The following AFF3 variants were observed in gnomAD, a reference collection of about 807,000 sequenced individuals.
The protein encoded by AFF3 is AF4/FMR2 family member 3.
Under a neutral mutation model 129.7 loss-of-function variants are expected in AFF3, and 32 were observed. The observed-to-expected ratio is 0.25, with a 90% CI of 0.19 to 0.33. The LOEUF is 0.33. Among genes scored for constraint, AFF3 ranks in the 10% least tolerant of loss-of-function variants. The pLI is 1.00. For synonymous variants in AFF3, 644 were observed against 635.4 expected, an observed-to-expected ratio of 1.01 and a Z score of -0.20; for missense variants, 1,373 against 1,592.0, an observed-to-expected ratio of 0.86 and a Z score of 2.34.
At chr2:99,639,600 A>C (rs1683992994) in intron 13 of AFF3, among the ~76,000 whole-genome samples, 1 of 152,242 alleles carries the variant, frequency 6.6e-6, no homozygotes, top group African/African-American at 2.4e-5. Context: ...CTTTGAAATT[A>C]TAAAATGAGA....
At chr2:100,138,402 T>C (rs1692715585) in intron 1 of AFF3, among the ~76,000 whole-genome samples, 1 of 152,224 alleles carries the variant, frequency 6.6e-6, no homozygotes, top group Non-Finnish European at 1.5e-5. Flanking sequence ...TCCATTCCTG[T>C]GGTTCTTAAC....
intron 7 of AFF3, among the ~76,000 whole-genome samples, chr2:99,920,832 GAT>G (rs757222410): frequency 6.6e-6 from 1 of 151,858 alleles, no homozygotes; most frequent in Non-Finnish European, 1.5e-5. Context: ...TGAATTTAGC[GAT>G]GTTTCAGAAT....
At chr2:99,628,868 G>A (rs62154522) in intron 13 of AFF3, among the ~76,000 whole-genome samples, 5,381 of 152,080 alleles carry the variant, frequency 0.035, 119 homozygotes, top group Non-Finnish European at 0.044. Flanking sequence ...TTACAGGCGC[G>A]TGCCACCATG....
intron 11 of AFF3, among the ~76,000 whole-genome samples, chr2:99,699,740 C>T (rs993288215): frequency 5.9e-5 from 9 of 152,202 alleles, no homozygotes; most frequent in African/African-American, 1.9e-4. Context: ...GCAATTTCAT[C>T]TACAGCAGTG....
chr2:99,630,025 T>C lies in AFF3; in HGVS notation c.1184+19601A>G, dbSNP rs556193247. Among the ~76,000 whole-genome samples the C allele has an allele frequency of 5.3e-5, 8 of 152,380 alleles. No individual in the cohort carries two copies. In the East Asian group the frequency reaches 1.2e-3, roughly 22 times the overall value. On this transcript the variant is annotated intron_variant, in intron 13 of 24. Coordinates refer to ENST00000672756, the MANE Select transcript of AFF3 (RefSeq NM_001386135.1). ...TAGTGACAAGTACCATGTTTCACTA[T>C]AGACCCCCTTCTGAGGGCTGCCTAT...
At chr2:99,666,425 A>T (rs1686682135) in intron 12 of AFF3, among the ~76,000 whole-genome samples, 1 of 152,230 alleles carries the variant, frequency 6.6e-6, no homozygotes. Flanking sequence ...ACACATAAAA[A>T]TGTTACAGAC....
chr2:100,069,014 TTG>T (rs1687957260), intron 4 of AFF3, among the ~76,000 whole-genome samples: 1 of 152,126 alleles, frequency 6.6e-6, no homozygotes, highest in Non-Finnish European at 1.5e-5. Context: ...TACAGTAAAC[TTG>T]TATCATGGGG....
chr2:99,805,258 T>C (rs1012761410), intron 8 of AFF3, among the ~76,000 whole-genome samples: 39 of 152,302 alleles, frequency 2.6e-4, no homozygotes, highest in African/African-American at 9.4e-4. Context: ...AAAAAATAAA[T>C]GTTGACTATA....
intron 7 of AFF3, among the ~76,000 whole-genome samples, chr2:99,947,130 C>T (rs926916751): frequency 5.3e-5 from 8 of 152,032 alleles, no homozygotes; most frequent in African/African-American, 1.9e-4. Context: ...AACAAATATA[C>T]GGGATATAAA....
chr2:100,006,932 C>T lies in AFF3; in HGVS notation c.573G>A (p.Val191=), dbSNP rs34235607. 4.5e-3 allele frequency: 7,245 copies of T among 1,614,146 alleles called. 320 individuals are homozygous for T. The African/African-American group carries it at 0.088, about 20-fold the overall frequency. Residue 191 remains valine (V), a synonymous_variant, in exon 7 of 25, where the codon GTG becomes GTA. Transcript: ENST00000672756. ...PRAKQVCNVE[V]GLQTQERPPA... ...GTGGCCTCTCCTGGGTCTGAAGGCC[C>T]ACCTCCACATTGCACACTTGTTTGG... is the stretch of plus-strand genomic sequence containing the variant.
rs866142880 is a variant in AFF3, at chr2:99,857,344, G to A, written c.874-19820C>T. 5.9e-5 allele frequency among the ~76,000 whole-genome samples: 9 copies of A among 152,250 alleles called. No homozygotes were observed. In the Middle Eastern group the frequency reaches 0.014, roughly 230 times the overall value. On this transcript the variant is annotated intron_variant, in intron 7 of 24. Coordinates refer to ENST00000672756, the MANE Select transcript of AFF3 (RefSeq NM_001386135.1). ...ATCAATTGTCACAGTTTGTTTATAAGACTGAATAATTTTTAATTCTAAAAT... is the reference window on the plus strand; with the variant it reads ...ATCAATTGTCACAGTTTGTTTATAAAACTGAATAATTTTTAATTCTAAAAT...
intron 2 of AFF3, among the ~76,000 whole-genome samples, chr2:100,125,350 A>T (rs1451334384): frequency 1.3e-5 from 2 of 150,234 alleles, no homozygotes; most frequent in Non-Finnish European, 3.0e-5. Flanking sequence ...TTGACAGATT[A>T]AAAAAAAATA....
chr2:99,886,450 G>A lies in AFF3; in HGVS notation c.874-48926C>T, dbSNP rs572979974. Among the ~76,000 whole-genome samples, 87 of 151,662 alleles carry A rather than the reference G, an allele frequency of 5.7e-4. 1 individual carries two copies. In the South Asian group the frequency reaches 0.018, roughly 31 times the overall value. On this transcript the variant is annotated intron_variant, in intron 7 of 24. Transcript: ENST00000672756. ...TTTTTTTCAGGAATAAAGGAGGTACGCGCAAGGTCAGAGAGCCTCCTAAAG... is the reference window on the plus strand; with the variant it reads ...TTTTTTTCAGGAATAAAGGAGGTACACGCAAGGTCAGAGAGCCTCCTAAAG...
At chr2:99,641,155 A>G (rs538707697) in intron 13 of AFF3, among the ~76,000 whole-genome samples, 3 of 152,204 alleles carry the variant, frequency 2.0e-5, no homozygotes, top group African/African-American at 7.2e-5. Context: ...GACACCTCAT[A>G]TGTGTCCTCC....
At chr2:99,779,420 C>T (rs1292992005) in intron 8 of AFF3, among the ~76,000 whole-genome samples, 2 of 152,146 alleles carry the variant, frequency 1.3e-5, no homozygotes, top group Non-Finnish European at 2.9e-5. Flanking sequence ...TAAATATGCT[C>T]ATAATATTAC....
intron 8 of AFF3, among the ~76,000 whole-genome samples, chr2:99,783,484 C>G (rs1156500129): frequency 1.3e-5 from 2 of 152,232 alleles, no homozygotes; most frequent in African/African-American, 2.4e-5. Context: ...TGGCCTCTCT[C>G]ACGAGAGAAG....
At chr2:99,877,630 G>T (rs1206242098) in intron 7 of AFF3, among the ~76,000 whole-genome samples, 1 of 152,156 alleles carries the variant, frequency 6.6e-6, no homozygotes, top group Admixed American at 6.5e-5. Context: ...AAGCCAGGAT[G>T]ATTATTTTTG....
chr2:99,683,493 G>A (rs764318494), intron 11 of AFF3, among the ~76,000 whole-genome samples: 4 of 151,316 alleles, frequency 2.6e-5, no homozygotes, highest in African/African-American at 4.9e-5. Context: ...TGTTGCCCAC[G>A]CTGGAGTGCA....
intron 7 of AFF3, among the ~76,000 whole-genome samples, chr2:99,869,532 A>C (rs552685617): frequency 6.6e-6 from 1 of 152,180 alleles, no homozygotes; most frequent in African/African-American, 2.4e-5. Flanking sequence ...GGAAATTATG[A>C]AGTTTGGGGA....
Sources: allele counts gnomAD v4.1 joint callset (sites outside exome capture counted in the v4.1 genomes callset), GRCh38; gene constraint gnomAD v4.1.1; transcripts MANE v1.5; gene names NCBI Gene and HGNC (gene_info 2026-07-23, HGNC 2026-07-21).